Variants in SAMMSON observed in about 807,000 individuals in gnomAD.
The protein encoded by SAMMSON is long intergenic non-protein coding RNA 1212.
At chr3:70,134,867 T>C (rs2067499428) in intron 4 of SAMMSON, among the ~76,000 whole-genome samples, 1 of 152,126 alleles carries the variant, frequency 6.6e-6, no homozygotes, top group East Asian at 1.9e-4. Context: ...GAAGCTTGAA[T>C]TGGGCAAGGA....
chr3:70,380,669 T>A (rs1481815597), intron 9 of SAMMSON, among the ~76,000 whole-genome samples: 1 of 152,136 alleles, frequency 6.6e-6, no homozygotes, highest in African/African-American at 2.4e-5. Context: ...ATTAGGTATA[T>A]CTCCTAATGC....
intron 7 of SAMMSON, among the ~76,000 whole-genome samples, chr3:70,347,691 T>A (rs1460763374): frequency 6.6e-6 from 1 of 152,150 alleles, no homozygotes; most frequent in African/African-American, 2.4e-5. Context: ...CCTACTAAGT[T>A]TATACCCTAG....
intron 4 of SAMMSON, among the ~76,000 whole-genome samples, chr3:70,238,327 G>A (rs2106639652): frequency 6.6e-6 from 1 of 152,154 alleles, no homozygotes; most frequent in South Asian, 2.1e-4. Flanking sequence ...TCTATCTGAG[G>A]CTGGGCATCG....
chr3:70,346,786 C>A (rs1300741780), intron 7 of SAMMSON, among the ~76,000 whole-genome samples: 1 of 152,026 alleles, frequency 6.6e-6, no homozygotes, highest in East Asian at 1.9e-4. Flanking sequence ...TTTTCAAGAA[C>A]AAAATTGGGC....
At chr3:70,064,408 C>T (rs1295978102) in intron 3 of SAMMSON, among the ~76,000 whole-genome samples, 3 of 152,130 alleles carry the variant, frequency 2.0e-5, no homozygotes, top group Non-Finnish European at 4.4e-5. Context: ...CCTTCTCTCT[C>T]AAAGTCAAAA....
chr3:70,328,560 T>A (rs1023237450), intron 7 of SAMMSON, among the ~76,000 whole-genome samples: 1 of 151,950 alleles, frequency 6.6e-6, no homozygotes, highest in African/African-American at 2.4e-5. Context: ...AAAGAACAGA[T>A]TAAGGACTGC....
chr3:70,384,327 A>G (rs1703102720), intron 9 of SAMMSON, among the ~76,000 whole-genome samples: 2 of 152,088 alleles, frequency 1.3e-5, no homozygotes, highest in Non-Finnish European at 2.9e-5. Flanking sequence ...CTCCTGAAAA[A>G]GAAAATCAAA....
At chr3:70,319,884 T>C (rs748783959) in intron 7 of SAMMSON, among the ~76,000 whole-genome samples, 28 of 152,008 alleles carry the variant, frequency 1.8e-4, no homozygotes, top group Non-Finnish European at 2.5e-4. Context: ...TGGAAAAAAT[T>C]GGGACACTAA....
chr3:70,400,553 T>A (rs889849247), intron 2 of SAMMSON, among the ~76,000 whole-genome samples: 1 of 152,184 alleles, frequency 6.6e-6, no homozygotes, highest in Non-Finnish European at 1.5e-5. Flanking sequence ...ATGAGCCAAA[T>A]AAACATCTTT....
At chr3:70,091,526 G>C (rs1180239072) in intron 4 of SAMMSON, among the ~76,000 whole-genome samples, 1 of 152,176 alleles carries the variant, frequency 6.6e-6, no homozygotes, top group Non-Finnish European at 1.5e-5. Context: ...AGTAGGGACT[G>C]ACTTCCTGTT....
At chr3:70,125,349 C>A (rs2067452440) in intron 4 of SAMMSON, 1 of 1,456,528 alleles carries the variant, frequency 6.9e-7, no homozygotes, top group Admixed American at 2.0e-5. Context: ...AAATTCTTTA[C>A]ATAAATTCTA....
Position 70,005,741 on chromosome 3 carries a change from G to T in SAMMSON, n.22+5874G>T, listed in dbSNP as rs548346946. On this transcript the variant is annotated intron_variant and non_coding_transcript_variant, in intron 1 of 9. Transcript: ENST00000642114. ...ACTATTCACCACTCTCCCTTAGCAC[G>T]TACTTGGTATTTCTTTTCTGAAGAC... 1.1e-4 allele frequency among the ~76,000 whole-genome samples: 16 copies of T among 152,306 alleles called. No individual in the cohort carries two copies. The South Asian group carries it at 3.1e-3, about 30-fold the overall frequency.
chr3:70,376,333 G>T (rs1031928580), intron 9 of SAMMSON, among the ~76,000 whole-genome samples: 5 of 152,144 alleles, frequency 3.3e-5, no homozygotes, highest in African/African-American at 4.8e-5. Flanking sequence ...ATTTCCACTT[G>T]AGACATTTAT....
At chr3:70,067,332 T>G (rs1294268495) in intron 3 of SAMMSON, among the ~76,000 whole-genome samples, 2 of 152,136 alleles carry the variant, frequency 1.3e-5, no homozygotes, top group Non-Finnish European at 2.9e-5. Context: ...AAAAGTGTAT[T>G]CAAATAATTT....
intron 3 of SAMMSON, among the ~76,000 whole-genome samples, chr3:70,038,486 T>C (rs141558191): frequency 2.6e-5 from 4 of 152,198 alleles, no homozygotes; most frequent in Non-Finnish European, 5.9e-5. Flanking sequence ...CACATAAACA[T>C]CTTTTCTTTA....
At chr3:70,314,336 C>T (rs1288776043) in intron 7 of SAMMSON, among the ~76,000 whole-genome samples, 1 of 152,146 alleles carries the variant, frequency 6.6e-6, no homozygotes, top group African/African-American at 2.4e-5. Context: ...TTGTAGAATA[C>T]ATATAATTAC....
At chr3:70,185,252 A>G (rs1701083627) in intron 4 of SAMMSON, among the ~76,000 whole-genome samples, 1 of 152,202 alleles carries the variant, frequency 6.6e-6, no homozygotes. Flanking sequence ...AGGAGAAACC[A>G]TATAAAAATT....
intron 4 of SAMMSON, among the ~76,000 whole-genome samples, chr3:70,134,087 CAAA>C (rs1157606808): frequency 0.018 from 1,091 of 60,558 alleles, 15 homozygotes; most frequent in African/African-American, 0.058. Flanking sequence ...ACTGAAAATA[CAAA>C]AAAAAAAAAA....
intron 7 of SAMMSON, among the ~76,000 whole-genome samples, chr3:70,315,997 G>C (rs114611569): frequency 0.01 from 1,532 of 152,154 alleles, 22 homozygotes; most frequent in African/African-American, 0.035. Context: ...CTTAAAGTCT[G>C]CTTTCTTTTT....
Sources: allele counts gnomAD v4.1 joint callset (sites outside exome capture counted in the v4.1 genomes callset), GRCh38; gene constraint gnomAD v4.1.1; transcripts MANE v1.5; gene names NCBI Gene and HGNC (gene_info 2026-07-23, HGNC 2026-07-21).